Variants in EPAS1 observed in about 807,000 individuals in gnomAD.
EPAS1 encodes the protein endothelial PAS domain-containing protein 1.
In EPAS1, 23 loss-of-function variants were observed where a neutral mutation model predicts 87.9. The observed-to-expected ratio is 0.26, with a 90% confidence interval of 0.19 to 0.37. The LOEUF (loss-of-function observed/expected upper bound fraction) is 0.37, where lower values mean the gene tolerates loss of function less well. Among genes scored for constraint, EPAS1 ranks in the 10% least tolerant of loss-of-function variants. The probability of loss-of-function intolerance (pLI) is 1.00; values close to 1 mark genes in which losing one functional copy is unlikely to be tolerated. For missense variants in EPAS1, 1,138 were observed against 1,120.7 expected (o/e 1.02, Z -0.22); for synonymous variants, 508 against 444.3 (o/e 1.14, Z -1.80).
chr2:46,381,915 C>A, intron 13 of EPAS1, 60 bp from the exon 14 acceptor site: 1 of 1,467,440 alleles, frequency 6.8e-7, no homozygotes, highest in Non-Finnish European at 9.4e-7. Context: ...CCAACCCACC[C>A]AGTCTGGGGA....
At chr2:46,377,863 G>C in intron 9 of EPAS1, 31 bp from the exon 10 acceptor site, 1 of 1,551,734 alleles carries the variant, frequency 6.4e-7, no homozygotes, top group Non-Finnish European at 8.7e-7. Context: ...ATGGTTGTGG[G>C]TGTTCACCTC....
At chr2:46,326,130 G>A (rs1683557932) in intron 1 of EPAS1, among the ~76,000 whole-genome samples, 2 of 152,192 alleles carry the variant, frequency 1.3e-5, no homozygotes, top group African/African-American at 4.8e-5. Context: ...CCTGGGGATA[G>A]CCTAGTTCTC....
chr2:46,325,803 T>A (rs1046671200), intron 1 of EPAS1, among the ~76,000 whole-genome samples: 1 of 152,146 alleles, frequency 6.6e-6, no homozygotes, highest in Admixed American at 6.5e-5. Flanking sequence ...ATGATGATCA[T>A]TAGAACTCAT....
At chr2:46,359,894 G>A (rs904663644) in intron 4 of EPAS1, among the ~76,000 whole-genome samples, 1 of 152,152 alleles carries the variant, frequency 6.6e-6, no homozygotes, top group African/African-American at 2.4e-5. Context: ...TTCTGAATCG[G>A]GAGGCTGTTT....
chr2:46,356,012 T>C, intron 2 of EPAS1, 139 bp from the exon 3 acceptor site: 1 of 901,464 alleles, frequency 1.1e-6, no homozygotes, highest in Non-Finnish European at 1.8e-6. Flanking sequence ...AGGCAGACAT[T>C]CAGATGGTTG....
intron 1 of EPAS1, among the ~76,000 whole-genome samples, chr2:46,337,556 G>A (rs1197172676): frequency 1.3e-5 from 2 of 152,080 alleles, no homozygotes; most frequent in East Asian, 1.9e-4. Context: ...TGATTCAACC[G>A]CCGTGCAATT....
In EPAS1 at chr2:46,376,527, C is replaced by G; in HGVS notation, c.1035-12C>G. ...ATGTGGAAAGTCTGAATGGCTCTTT[C>G]CCCCCCATTAGTGAGATTGAGAAGA... On this transcript the variant is annotated splice_polypyrimidine_tract_variant and intron_variant, in intron 8 of 15. Coordinates refer to ENST00000263734, the MANE Select transcript of EPAS1 (RefSeq NM_001430.5). 2 of 1,612,498 alleles carry G rather than the reference C, an allele frequency of 1.2e-6. No individual in the cohort carries two copies. The highest frequency in any genetic ancestry group is 3.3e-4 in the Middle Eastern group (2 of 6,060).
At chr2:46,329,898 TGC>T (rs1406764188) in intron 1 of EPAS1, among the ~76,000 whole-genome samples, 2 of 152,204 alleles carry the variant, frequency 1.3e-5, no homozygotes, top group Non-Finnish European at 2.9e-5. Flanking sequence ...GCATAGCTTC[TGC>T]CTGCCTCTGT....
intron 1 of EPAS1, among the ~76,000 whole-genome samples, chr2:46,341,889 AAT>A (rs758171537): frequency 2.0e-4 from 31 of 152,330 alleles, no homozygotes; most frequent in African/African-American, 4.8e-4. Context: ...GTGCTCAATA[AAT>A]ATGTTTCCTT....
chr2:46,381,042 T>C (rs1034314430), intron 12 of EPAS1: 5 of 422,494 alleles, frequency 1.2e-5, no homozygotes, highest in Admixed American at 7.8e-5. Flanking sequence ...AATTGAGTGA[T>C]GATTTTCCCT....
At position 46,372,064 on chromosome 2, in the gene EPAS1, G is replaced by A. The variant is rs531732654; in HGVS notation, c.886+2131G>A. ...GTTTATGTTTTCTGCTGACTCTAGG[G>A]AAAATAAGGTGCTTTTTACTGAATC... On this transcript the variant is annotated intron_variant, in intron 7 of 15. Transcript: ENST00000263734. 1.7e-3 allele frequency among the ~76,000 whole-genome samples: 264 copies of A among 152,276 alleles called. 2 individuals carry two copies. Among genetic ancestry groups the A allele is most frequent in the African/African-American group, 4.7e-3 (195 of 41,554 alleles).
At position 46,376,563 on chromosome 2, in the gene EPAS1, G is replaced by A. The variant is rs765161124; in HGVS notation, c.1059G>A (p.Val353=). 1.1e-5 allele frequency: 18 copies of A among 1,614,030 alleles called. No homozygotes were observed. Among genetic ancestry groups the A allele is most frequent in the East Asian group, 4.5e-5 (2 of 44,896 alleles). Residue 353 remains valine, a synonymous_variant, in exon 9 of 16, where the codon GTG becomes GTA. Coordinates refer to ENST00000263734, the MANE Select transcript of EPAS1 (RefSeq NM_001430.5). ...VLSEIEKNDV[V]FSMDQTESLF... ...GTGAGATTGAGAAGAATGACGTGGT[G>A]TTCTCCATGGACCAGACTGAATCCC...
At chr2:46,319,738 T>C (rs1405141292) in intron 1 of EPAS1, among the ~76,000 whole-genome samples, 2 of 152,236 alleles carry the variant, frequency 1.3e-5, no homozygotes, top group Non-Finnish European at 2.9e-5. Flanking sequence ...CTTTGATTCA[T>C]TTTTAAATTG....
intron 15 of EPAS1, among the ~76,000 whole-genome samples, 176 bp downstream of exon 15, chr2:46,382,774 G>A (rs1020469064): frequency 7.9e-5 from 12 of 152,222 alleles, no homozygotes; most frequent in Admixed American, 3.9e-4. Flanking sequence ...CAAGTTCCTT[G>A]TGACATCAGT....
At position 46,380,687 on chromosome 2, in the gene EPAS1, C is replaced by G. The variant is rs2103673917; in HGVS notation, c.2015C>G (p.Ser672Cys). 8.1e-6 allele frequency: 13 copies of G among 1,613,518 alleles called. No homozygotes were observed. Among genetic ancestry groups the G allele is most frequent in the Non-Finnish European group, 1.0e-5 (12 of 1,180,016 alleles). ...GCAGCGCCGTTGGGGCCCCCTGTCTCTCCACCCCATGTCTCCACCTTCAAG... is the reference window on the plus strand; with the variant it reads ...GCAGCGCCGTTGGGGCCCCCTGTCTGTCCACCCCATGTCTCCACCTTCAAG... ...LGAAPLGPPV[S>C]PPHVSTFKTR... Residue 672 changes from serine to cysteine, a missense_variant, in exon 12 of 16, where the codon TCT becomes TGT. Around this residue, in one of 4 missense-constraint regions of EPAS1, gnomAD observed 502 missense variants for 427.1 expected, o/e 1.18. Coordinates refer to ENST00000263734, the MANE Select transcript of EPAS1 (RefSeq NM_001430.5). The surrounding 1 kb of genome is among the most constrained non-coding windows in gnomAD (Gnocchi z 4.4).
chr2:46,370,527 G>A (rs190336798), intron 7 of EPAS1, among the ~76,000 whole-genome samples: 1 of 152,280 alleles, frequency 6.6e-6, no homozygotes, highest in East Asian at 1.9e-4. Context: ...AGAAAAGGCT[G>A]TCCAGGCAAC....
rs368729203 is a variant in EPAS1, at chr2:46,380,529, G to A, written c.1857G>A (p.Pro619=). 5.0e-5 allele frequency: 80 copies of A among 1,614,080 alleles called. No individual in the cohort carries two copies. Among genetic ancestry groups the A allele is most frequent in the South Asian group, 1.5e-4 (14 of 91,076 alleles). Residue 619 remains proline (P), a synonymous_variant, in exon 12 of 16, where the codon CCG becomes CCA. Coordinates refer to ENST00000263734, the MANE Select transcript of EPAS1 (RefSeq NM_001430.5). This position sits in a 1 kb window ranked among gnomAD's most constrained non-coding sequence, Gnocchi z 4.4. ...CCGGAAGCAAAGCATCCCTGCCACC[G>A]TGCTGTGGCCAGGCCAGCACCCCTC... ...FDAGSKASLP[P]CCGQASTPLS... is the part of the protein sequence containing the mutation.
intron 2 of EPAS1, among the ~76,000 whole-genome samples, chr2:46,352,462 G>A (rs1038746572): frequency 2.0e-5 from 3 of 152,234 alleles, no homozygotes; most frequent in Non-Finnish European, 4.4e-5. Context: ...TAATAATGGT[G>A]TAGGGAGCGC....
chr2:46,323,767 A>G (rs1033621384), intron 1 of EPAS1, among the ~76,000 whole-genome samples: 3 of 152,222 alleles, frequency 2.0e-5, no homozygotes, highest in African/African-American at 7.2e-5. Flanking sequence ...ATTGTATCAG[A>G]TATTGCCACT....
Sources: gnomAD v4.1 joint callset for allele counts (sites outside exome capture counted in the v4.1 genomes callset) on GRCh38, gnomAD v4.1.1 for gene constraint, gnomAD v4.1.1 regional missense constraint, Gnocchi (gnomAD v3.1) non-coding constraint, MANE v1.5 for transcripts, NCBI Gene and HGNC (gene_info 2026-07-23, HGNC 2026-07-21) for gene names.